ZMYND8: variants seen among roughly 807,000 people sequenced by gnomAD.
ZMYND8 encodes the protein zinc finger MYND-type containing 8.
A neutral mutation model predicts 140.8 loss-of-function variants in ZMYND8; 37 were observed. The observed-to-expected ratio is 0.26, with a 90% CI of 0.20 to 0.35. ZMYND8 has a LOEUF of 0.35. ZMYND8 is among the 10% of genes least tolerant of loss of function. ZMYND8 has a pLI of 1.00. For synonymous variants in ZMYND8, 592 were observed against 597.1 expected, an observed-to-expected ratio of 0.99 and a Z score of 0.12; for missense variants, 1,068 against 1,570.0, an observed-to-expected ratio of 0.68 and a Z score of 5.40.
intron 11 of ZMYND8, among the ~76,000 whole-genome samples, chr20:47,264,664 T>C (rs1024292139): frequency 2.6e-5 from 4 of 151,832 alleles, no homozygotes; most frequent in African/African-American, 9.7e-5. Context: ...ATTCCTTCAC[T>C]GGGGGGGGCT....
chr20:47,214,051 T>C (rs1482765660), intron 21 of ZMYND8, among the ~76,000 whole-genome samples: 1 of 152,156 alleles, frequency 6.6e-6, no homozygotes, highest in East Asian at 1.9e-4. Context: ...TAAAATTCTC[T>C]CTCTTCCAAC....
At chr20:47,333,353 G>A (rs2081106866) in intron 2 of ZMYND8, among the ~76,000 whole-genome samples, 1 of 151,454 alleles carries the variant, frequency 6.6e-6, no homozygotes, top group Admixed American at 6.6e-5. Context: ...AAGGCAGGCA[G>A]CACTTTGAGA....
intron 21 of ZMYND8, 114 bp from the exon 22 acceptor site, chr20:47,212,839 G>T: frequency 1.1e-6 from 1 of 894,820 alleles, no homozygotes; most frequent in South Asian, 1.7e-5. Flanking sequence ...GAACCAGTTG[G>T]CACCTTCATT....
At chr20:47,277,788 A>G (rs895588573) in intron 10 of ZMYND8, among the ~76,000 whole-genome samples, 2 of 152,066 alleles carry the variant, frequency 1.3e-5, no homozygotes, top group Non-Finnish European at 2.9e-5. Context: ...CTCCTGCCTC[A>G]GCTTCCCAAG....
intron 2 of ZMYND8, among the ~76,000 whole-genome samples, chr20:47,324,160 C>A (rs532048648): frequency 7.9e-4 from 118 of 149,122 alleles, no homozygotes; most frequent in African/African-American, 2.7e-3. Flanking sequence ...CGAGATCATG[C>A]CATTGCACTC....
At chr20:47,349,895 G>A in intron 1 of ZMYND8, 1 of 1,535,582 alleles carries the variant, frequency 6.5e-7, no homozygotes, top group African/African-American at 1.4e-5. Flanking sequence ...AACATTCAAA[G>A]GTGTATTGAT....
Position 47,238,805 on chromosome 20 carries a change from G to GGCTGCTGCTGCTGGTTTTGCTGCTGCT in ZMYND8, c.2591_2617dup (p.Gln864_Gln872dup). The GGCTGCTGCTGCTGGTTTTGCTGCTGCT allele has an allele frequency of 1.2e-6, 2 of 1,613,074 alleles. No individual in the cohort carries two copies. Among genetic ancestry groups the GGCTGCTGCTGCTGGTTTTGCTGCTGCT allele is most frequent in the Non-Finnish European group, 1.7e-6 (2 of 1,180,002 alleles). On this transcript the variant is annotated inframe_insertion, in exon 15 of 23. Coordinates refer to ENST00000471951, the MANE Select transcript of ZMYND8 (RefSeq NM_001281775.3). ...ATATCTCGTCCCCTGGGAAGACTGA[G>GGCTGCTGCTGCTGGTTTTGCTGCTGCT]GCTGCTGCTGCTGGTTTTGCTGCTG...
rs1461625689 is a variant in ZMYND8 at position 47,285,915 on chromosome 20, G to A, written c.804+1314C>T. 6.8e-6 allele frequency: 6 copies of A among 886,688 alleles called. No individual in the cohort carries two copies. In the East Asian group the frequency reaches 7.2e-4, roughly 106 times the overall value. The allele number at this position is 886,688 out of a possible 1,614,324, so 54.9% of individuals were successfully genotyped here. Reference sequence around the variant, plus strand: ...ACATAAATATACAGACATAAGCCGGGCTTGGTGGCTGAGGCCTATATTCCC... The same window carrying A: ...ACATAAATATACAGACATAAGCCGGACTTGGTGGCTGAGGCCTATATTCCC... On this transcript the variant is annotated intron_variant, in intron 8 of 22. Transcript: ENST00000471951.
chr20:47,290,106 G>C (rs1362154189), intron 7 of ZMYND8, 81 bp downstream of exon 7: 2 of 1,339,000 alleles, frequency 1.5e-6, no homozygotes, highest in African/African-American at 3.0e-5. Context: ...TGAATTAAGA[G>C]CCTGATTTTT....
At chr20:47,336,544 G>A (rs16992512) in intron 2 of ZMYND8, among the ~76,000 whole-genome samples, 3 of 152,116 alleles carry the variant, frequency 2.0e-5, no homozygotes, top group East Asian at 1.9e-4. Context: ...AATTCAACCC[G>A]CGGAGTACAT....
chr20:47,285,372 C>T (rs901185301), intron 8 of ZMYND8, among the ~76,000 whole-genome samples: 2 of 152,214 alleles, frequency 1.3e-5, no homozygotes, highest in Admixed American at 1.3e-4. Flanking sequence ...CAAACAAATG[C>T]ATGGATGGCA....
intron 13 of ZMYND8, among the ~76,000 whole-genome samples, chr20:47,247,339 G>A (rs553109497): frequency 1.2e-3 from 180 of 152,272 alleles, no homozygotes; most frequent in African/African-American, 4.2e-3. Context: ...CAGGTGACCC[G>A]GGTGCCCAGC....
intron 2 of ZMYND8, among the ~76,000 whole-genome samples, chr20:47,341,560 G>A: frequency 7.0e-6 from 1 of 142,648 alleles, no homozygotes; most frequent in African/African-American, 2.6e-5. Flanking sequence ...CTAGAACAAA[G>A]ACATTCCAGT....
chr20:47,264,075 C>T (rs891034870), intron 11 of ZMYND8, among the ~76,000 whole-genome samples: 1 of 152,092 alleles, frequency 6.6e-6, no homozygotes, highest in Admixed American at 6.5e-5. Flanking sequence ...AGCGGCCCCC[C>T]ACAAGAAAGA....
Position 47,299,638 on chromosome 20 carries a change from A to AG in ZMYND8, c.235-692dup, listed in dbSNP as rs577573899. ...CGCTCTGTTGCCCAGGCTAGAGTGC[A>AG]GTGGCACAATCTTGGCTCCACTGCA... On this transcript the variant is annotated intron_variant, in intron 3 of 22. Coordinates refer to ENST00000471951, the MANE Select transcript of ZMYND8 (RefSeq NM_001281775.3). Among the ~76,000 whole-genome samples the AG allele has an allele frequency of 7.7e-3, 1,163 of 151,738 alleles. 19 individuals are homozygous for AG. Among genetic ancestry groups the AG allele is most frequent in the African/African-American group, 0.026 (1,092 of 41,328 alleles).
chr20:47,239,429 C>T (rs1052406751), intron 14 of ZMYND8, among the ~76,000 whole-genome samples: 1 of 152,198 alleles, frequency 6.6e-6, no homozygotes, highest in African/African-American at 2.4e-5. Flanking sequence ...AGACCCGGCT[C>T]CTGCGCTCAA....
chr20:47,238,805 G>GGCTGCTGCTGCTGGTTTT lies in ZMYND8; in HGVS notation c.2600_2617dup (p.Gln867_Gln872dup), dbSNP rs2039581716. The GGCTGCTGCTGCTGGTTTT allele has an allele frequency of 1.2e-6, 2 of 1,612,956 alleles. No homozygotes were observed. Among genetic ancestry groups the GGCTGCTGCTGCTGGTTTT allele is most frequent in the Admixed American group, 3.3e-5 (2 of 60,004 alleles). ...ATATCTCGTCCCCTGGGAAGACTGAGGCTGCTGCTGCTGGTTTTGCTGCTG... is the reference window on the plus strand; with the variant it reads ...ATATCTCGTCCCCTGGGAAGACTGAGGCTGCTGCTGCTGGTTTTGCTGCTGCTGCTGGTTTTGCTGCTG... On this transcript the variant is annotated inframe_insertion, in exon 15 of 23. Coordinates refer to ENST00000471951, the MANE Select transcript of ZMYND8 (RefSeq NM_001281775.3).
intron 2 of ZMYND8, among the ~76,000 whole-genome samples, chr20:47,318,152 T>C (rs1438764757): frequency 1.3e-5 from 2 of 152,118 alleles, no homozygotes; most frequent in Non-Finnish European, 2.9e-5. Flanking sequence ...AACACCGGCC[T>C]GTGTAGACTG....
At chr20:47,227,831 G>A (rs942266845) in intron 17 of ZMYND8, among the ~76,000 whole-genome samples, 3 of 152,300 alleles carry the variant, frequency 2.0e-5, no homozygotes, top group East Asian at 1.9e-4. Flanking sequence ...GGTGGCTCGC[G>A]CCTGTAATGC....
Sources: allele counts gnomAD v4.1 joint callset (sites outside exome capture counted in the v4.1 genomes callset), GRCh38; gene constraint gnomAD v4.1.1; transcripts MANE v1.5; gene names NCBI Gene and HGNC (gene_info 2026-07-23, HGNC 2026-07-21).